Variants in UBAC1 observed in about 807,000 individuals in gnomAD.
UBAC1 encodes the protein UBA domain containing 1, also known as ubiquitin-associated domain-containing protein 1.
UBAC1 carries 27 observed loss-of-function variants against 45.9 expected under a neutral mutation model. The ratio of observed to expected loss-of-function variants is 0.59; its 90% CI spans 0.43 to 0.81. UBAC1 has a LOEUF of 0.81. Ranked by LOEUF, UBAC1 falls within the 30% of genes least tolerant of loss-of-function variation. The pLI, the probability that UBAC1 is intolerant of heterozygous loss-of-function variation, is 0.00. For missense variants in UBAC1, 529 were observed against 539.2 expected, an observed-to-expected ratio of 0.98 and a Z score of 0.19; for synonymous variants, 227 against 215.5, an observed-to-expected ratio of 1.05 and a Z score of -0.47.
chr9:135,939,778 G>A lies in UBAC1; in HGVS notation c.877-19C>T, dbSNP rs548369094. The stretch of plus-strand genomic sequence containing the variant: ...TGACGGCCTAGAGGACAGCACAGCC[G>A]TTAGCTCGCTGGGGGCGGCAGGAGG... On this transcript the variant is annotated intron_variant, in intron 7 of 9. Transcript: ENST00000371756. The A allele has an allele frequency of 2.1e-5, 33 of 1,605,296 alleles. No homozygotes were observed. Among genetic ancestry groups the A allele is most frequent in the African/African-American group, 8.0e-5 (6 of 74,722 alleles).
intron 7 of UBAC1, among the ~76,000 whole-genome samples, 181 bp downstream of exon 7, chr9:135,944,847 C>T (rs1839307938): frequency 6.6e-6 from 1 of 152,180 alleles, no homozygotes; most frequent in Non-Finnish European, 1.5e-5. Context: ...CCCAGGCCCA[C>T]CGCCCCCAGG....
At chr9:135,955,165 C>A (rs1839451507) in intron 2 of UBAC1, 130 bp downstream of exon 2, 15 of 969,692 alleles carry the variant, frequency 1.5e-5, no homozygotes, top group Non-Finnish European at 1.8e-5. Flanking sequence ...TGCTTTTAGT[C>A]GATCTCGTTT....
Position 135,933,268 on chromosome 9 carries a change from A to G in UBAC1, c.*132T>C, listed in dbSNP as rs546230468. On this transcript the variant is annotated 3_prime_UTR_variant, in exon 10 of 10. Transcript: ENST00000371756. ...ATAAGCAATAAGATCAGAGAGCAGG[A>G]GCAGCTGCAGCACCTCTAACAGTCC... 76 of 675,558 alleles carry G rather than the reference A, an allele frequency of 1.1e-4. No homozygotes were observed. The East Asian group carries it at 1.9e-3, about 16-fold the overall frequency. The allele number at this position is 675,558 out of a possible 1,614,324, so 41.8% of individuals were successfully genotyped here. A position where few individuals can be genotyped will look rare whatever the true frequency, so the allele number is the denominator to read the frequency against.
At chr9:135,948,506 C>A (rs1007529427) in intron 3 of UBAC1, among the ~76,000 whole-genome samples, 9 of 152,366 alleles carry the variant, frequency 5.9e-5, no homozygotes, top group African/African-American at 1.9e-4. Flanking sequence ...GAGCGAGCCT[C>A]AGGAGCTAGC....
Position 135,955,311 on chromosome 9 carries a change from C to A in UBAC1, c.243G>T (p.Glu81Asp). The change falls in exon 2 of 10, where the codon GAG becomes GAT. Residue 81 changes from glutamate (E) to aspartate (D), a missense_variant. Glu to Asp is a conservative substitution (Grantham distance 45, BLOSUM62 2). Transcript: ENST00000371756. Reference protein sequence around the residue: ...VLSDARTILEENIQDQDVLLL... With the variant: ...VLSDARTILEDNIQDQDVLLL... ...CAGCCTTACCTTGGTCCTGGATGTT[C>A]TCTTCCAGGATGGTCCTGGCATCAC... The A allele has an allele frequency of 1.3e-6, 2 of 1,590,022 alleles. No homozygotes were observed. Among genetic ancestry groups the A allele is most frequent in the East Asian group, 4.6e-5 (2 of 43,724 alleles).
Position 135,949,082 on chromosome 9 carries a change from C to T in UBAC1, c.334-1177G>A, listed in dbSNP as rs186724123. Reference sequence around the variant, plus strand: ...CTCAAAAAAAAAAAAAAAGGAACAACAGAAAGCAGCACAAAGTGAGGAGTC... The same window carrying T: ...CTCAAAAAAAAAAAAAAAGGAACAATAGAAAGCAGCACAAAGTGAGGAGTC... On this transcript the variant is annotated intron_variant, in intron 3 of 9. Transcript: ENST00000371756. Among the ~76,000 whole-genome samples, 947 of 148,168 alleles carry T rather than the reference C, an allele frequency of 6.4e-3. 3 individuals are homozygous for T. Among genetic ancestry groups the T allele is most frequent in the Middle Eastern group, 0.018 (5 of 278 alleles).
intron 7 of UBAC1, among the ~76,000 whole-genome samples, chr9:135,941,427 T>C (rs1339346235): frequency 1.3e-5 from 2 of 152,032 alleles, no homozygotes; most frequent in Non-Finnish European, 2.9e-5. Context: ...AACTCTGTAT[T>C]TTCTATTTAT....
intron 3 of UBAC1, among the ~76,000 whole-genome samples, chr9:135,950,409 C>T (rs1020591701): frequency 1.3e-5 from 2 of 152,208 alleles, no homozygotes; most frequent in African/African-American, 4.8e-5. Context: ...GGAGGGAACA[C>T]CCCAGTGACC....
intron 9 of UBAC1, among the ~76,000 whole-genome samples, chr9:135,934,636 G>A (rs1564193579): frequency 6.6e-6 from 1 of 152,150 alleles, no homozygotes; most frequent in Non-Finnish European, 1.5e-5. Flanking sequence ...CTCCAGCCTG[G>A]GCAGCAGAGT....
intron 4 of UBAC1, chr9:135,947,392 C>G (rs1839351580): frequency 1.3e-5 from 2 of 157,834 alleles, no homozygotes; most frequent in South Asian, 3.9e-4. Flanking sequence ...GCTGGGATTA[C>G]AGGTGCCTGC....
At chr9:135,949,793 T>G (rs557162151) in intron 3 of UBAC1, among the ~76,000 whole-genome samples, 1 of 152,366 alleles carries the variant, frequency 6.6e-6, no homozygotes, top group South Asian at 2.1e-4. Context: ...CAGGACACAG[T>G]CCACTCTGGG....
At chr9:135,943,400 C>T (rs1199511536) in intron 7 of UBAC1, among the ~76,000 whole-genome samples, 2 of 152,128 alleles carry the variant, frequency 1.3e-5, no homozygotes, top group Non-Finnish European at 2.9e-5. Context: ...ATCAAAACCA[C>T]AATGAGATAC....
rs370621094 is a variant in UBAC1, at chr9:135,945,924, C to G, written c.618G>C (p.Pro206=). ...GAAGGGCCTTGGTGGCTCTGTTCTC[C>G]GGAAAGCCCATCTCCGTGAGCTGCC... ...ALRQLTEMGF[P]ENRATKALQL... The change falls in exon 6 of 10, where the codon CCG becomes CCC. Residue 206 remains proline (P), a synonymous_variant. Transcript: ENST00000371756. The G allele has an allele frequency of 4.3e-6, 7 of 1,614,066 alleles. No individual in the cohort carries two copies. Among genetic ancestry groups the G allele is most frequent in the Admixed American group, 1.7e-5 (1 of 60,024 alleles).
chr9:135,942,253 T>TG (rs749450890), intron 7 of UBAC1: 1 of 152,224 alleles, frequency 6.6e-6, no homozygotes, highest in Non-Finnish European at 1.5e-5. Context: ...CTGCTCCACT[T>TG]GGACAGGCTT....
At chr9:135,934,773 AAC>A (rs1488073316) in intron 9 of UBAC1, among the ~76,000 whole-genome samples, 1 of 152,268 alleles carries the variant, frequency 6.6e-6, no homozygotes, top group Non-Finnish European at 1.5e-5. Context: ...CCTCTCAATA[AAC>A]AGCAAAATAA....
chr9:135,942,111 C>T (rs1839276581), intron 7 of UBAC1: 2 of 152,180 alleles, frequency 1.3e-5, no homozygotes, highest in Admixed American at 1.3e-4. Flanking sequence ...GAATGAGCAT[C>T]CATATTTAAC....
rs185286594 is a variant in UBAC1, at chr9:135,943,723, G to C, written c.876+1305C>G. On this transcript the variant is annotated intron_variant, in intron 7 of 9. Transcript: ENST00000371756. Reference sequence around the variant, plus strand: ...AATCAACTCAAATGCCCACGGATAAGAAAAGAAACCGGATAGACTGAATAA... The same window carrying C: ...AATCAACTCAAATGCCCACGGATAACAAAAGAAACCGGATAGACTGAATAA... Among the ~76,000 whole-genome samples, 12 of 152,214 alleles carry C rather than the reference G, an allele frequency of 7.9e-5. No homozygotes were observed. The East Asian group carries it at 2.3e-3, about 29-fold the overall frequency.
intron 3 of UBAC1, among the ~76,000 whole-genome samples, chr9:135,950,565 G>T (rs1381574487): frequency 6.6e-6 from 1 of 152,184 alleles, no homozygotes; most frequent in Non-Finnish European, 1.5e-5. Context: ...TGTGTAAGAA[G>T]GATAGATAAT....
At chr9:135,946,724 G>A (rs1839341797) in intron 4 of UBAC1, among the ~76,000 whole-genome samples, 1 of 152,262 alleles carries the variant, frequency 6.6e-6, no homozygotes, top group South Asian at 2.1e-4. Context: ...ATCATCTGAG[G>A]CTCCACCCCC....
Sources: gnomAD v4.1 joint callset for allele counts (sites outside exome capture counted in the v4.1 genomes callset) on GRCh38, gnomAD v4.1.1 for gene constraint, MANE v1.5 for transcripts, NCBI Gene and HGNC (gene_info 2026-07-23, HGNC 2026-07-21) for gene names.